ATG5: variants seen among roughly 807,000 people sequenced by gnomAD.
The protein encoded by ATG5 is autophagy protein 5.
In ATG5, 14 loss-of-function variants were observed where a neutral mutation model predicts 36.5. The observed-to-expected ratio is 0.38, with a 90% confidence interval of 0.25 to 0.60. The LOEUF (loss-of-function observed/expected upper bound fraction) is 0.60, where lower values mean the gene tolerates loss of function less well. ATG5 is among the 20% of genes least tolerant of loss of function. ATG5 has a pLI of 0.60. For missense variants in ATG5, 195 were observed against 326.7 expected (o/e 0.60, Z 3.11); for synonymous variants, 95 against 101.5 (o/e 0.94, Z 0.38).
chr6:106,279,612 A>G, intron 5 of ATG5, 49 bp downstream of exon 5: 1 of 1,352,386 alleles, frequency 7.4e-7, no homozygotes, highest in Non-Finnish European at 9.8e-7. Context: ...TTATGGCTGT[A>G]TCATATTTTA....
In ATG5 at chr6:106,281,205, A is replaced by G. The variant is rs557390031; in HGVS notation, c.316-1382T>C. ...ATCTCTCTCAATAAACTTTTTTAAA[A>G]GTCAAACTTATGATTCACATACAGT... On this transcript the variant is annotated intron_variant, in intron 4 of 7. Transcript: ENST00000369076. Among the ~76,000 whole-genome samples the G allele has an allele frequency of 3.9e-5, 6 of 152,312 alleles. No individual in the cohort carries two copies. The East Asian group carries it at 1.2e-3, about 29-fold the overall frequency.
chr6:106,298,353 G>A (rs1018179517), intron 3 of ATG5, among the ~76,000 whole-genome samples: 2 of 152,172 alleles, frequency 1.3e-5, no homozygotes, highest in African/African-American at 4.8e-5. Context: ...TTAAGAATTA[G>A]GAGATAAATT....
chr6:106,302,448 A>G (rs897171073), intron 3 of ATG5, among the ~76,000 whole-genome samples: 2 of 152,112 alleles, frequency 1.3e-5, no homozygotes, highest in Non-Finnish European at 2.9e-5. Context: ...TGCATTTCAG[A>G]AAGAAAAATT....
At chr6:106,218,597 T>C (rs1777129103) in intron 6 of ATG5, among the ~76,000 whole-genome samples, 1 of 152,148 alleles carries the variant, frequency 6.6e-6, no homozygotes, top group African/African-American at 2.4e-5. Flanking sequence ...GAGTTCAAGT[T>C]ACACTTTGAT....
chr6:106,316,978 C>A (rs549899729), intron 1 of ATG5, among the ~76,000 whole-genome samples: 1 of 152,260 alleles, frequency 6.6e-6, no homozygotes, highest in Non-Finnish European at 1.5e-5. Flanking sequence ...ATGCTCACAG[C>A]CCTCTGGCCC....
intron 3 of ATG5, among the ~76,000 whole-genome samples, chr6:106,296,772 T>G (rs1196655810): frequency 6.6e-6 from 1 of 152,146 alleles, no homozygotes; most frequent in Non-Finnish European, 1.5e-5. Flanking sequence ...GAGCCAAGAC[T>G]GCAACACTGC....
intron 7 of ATG5, among the ~76,000 whole-genome samples, chr6:106,196,397 A>G (rs887810350): frequency 6.6e-6 from 1 of 152,234 alleles, no homozygotes; most frequent in Non-Finnish European, 1.5e-5. Context: ...CAGGAGATGG[A>G]GACCTGTGTT....
Position 106,188,309 on chromosome 6 carries a change from T to C in ATG5, c.692-1633A>G, listed in dbSNP as rs557320989. Among the ~76,000 whole-genome samples the C allele has an allele frequency of 5.9e-5, 9 of 152,340 alleles. No individual in the cohort carries two copies. The South Asian group carries it at 1.9e-3, about 32-fold the overall frequency. ...GAAAACATTTCCGGTATAATTCTCT[T>C]CATATTCTTATATTTCTTTGAAATA... On this transcript the variant is annotated intron_variant, in intron 7 of 7. Coordinates refer to ENST00000369076, the MANE Select transcript of ATG5 (RefSeq NM_004849.4).
At chr6:106,290,125 C>T (rs1426822566) in intron 4 of ATG5, among the ~76,000 whole-genome samples, 1 of 151,680 alleles carries the variant, frequency 6.6e-6, no homozygotes, top group East Asian at 1.9e-4. Context: ...CTCCTGGGCT[C>T]AAGTGATCCT....
intron 1 of ATG5, among the ~76,000 whole-genome samples, chr6:106,324,533 T>C (rs1408207317): frequency 6.6e-6 from 1 of 152,224 alleles, no homozygotes. Context: ...GGGATTTTTA[T>C]TCTTTTGTTT....
At chr6:106,317,397 AT>A (rs1291215601) in intron 1 of ATG5, among the ~76,000 whole-genome samples, 4 of 152,170 alleles carry the variant, frequency 2.6e-5, no homozygotes. Context: ...CAAGGAGCTT[AT>A]TTCCCTTTTT....
intron 5 of ATG5, among the ~76,000 whole-genome samples, chr6:106,264,447 C>T (rs778967257): frequency 6.6e-6 from 1 of 152,068 alleles, no homozygotes; most frequent in Non-Finnish European, 1.5e-5. Context: ...ACTTCCCCCA[C>T]CAAGCAAGAC....
intron 5 of ATG5, among the ~76,000 whole-genome samples, chr6:106,255,086 A>G (rs1027185436): frequency 5.3e-5 from 8 of 152,220 alleles, no homozygotes; most frequent in Middle Eastern, 3.4e-3. Context: ...CCTCCCATCA[A>G]TTTCACTGCA....
Position 106,279,719 on chromosome 6 carries a change from T to C in ATG5, c.420A>G (p.Gln140=), listed in dbSNP as rs773369099. ...CTTTTTTCTGCATTTCATTGATTAC[T>C]TGACTTTTATGTTTTAAAGCATCAG... ...KEADALKHKS[Q]VINEMQKKDH... is the part of the protein sequence containing the mutation. The change falls in exon 5 of 8, where the codon CAA becomes CAG. Residue 140 remains glutamine, a synonymous_variant. Transcript: ENST00000369076. 2 of 1,608,848 alleles carry C rather than the reference T, an allele frequency of 1.2e-6. No individual in the cohort carries two copies. The highest frequency in any genetic ancestry group is 8.5e-7 in the Non-Finnish European group (1 of 1,177,694).
At chr6:106,240,399 G>GTTAAA (rs1199388068) in intron 6 of ATG5, among the ~76,000 whole-genome samples, 1 of 142,922 alleles carries the variant, frequency 7.0e-6, no homozygotes, top group African/African-American at 2.6e-5. Flanking sequence ...AAAATAAAAA[G>GTTAAA]TTAAGAAGAA....
At chr6:106,195,706 G>A (rs1293779943) in intron 7 of ATG5, among the ~76,000 whole-genome samples, 3 of 150,102 alleles carry the variant, frequency 2.0e-5, no homozygotes, top group Non-Finnish European at 4.4e-5. Context: ...TGCATGGGGA[G>A]AAGTCTGTCA....
chr6:106,237,285 A>G (rs564128791), intron 6 of ATG5, among the ~76,000 whole-genome samples: 1 of 152,340 alleles, frequency 6.6e-6, no homozygotes, highest in Admixed American at 6.5e-5. Context: ...TTAAAATTCA[A>G]ATCACACAAT....
intron 5 of ATG5, among the ~76,000 whole-genome samples, chr6:106,260,722 G>A (rs1277778830): frequency 6.6e-6 from 1 of 152,178 alleles, no homozygotes; most frequent in African/African-American, 2.4e-5. Context: ...TTCTAAAGTA[G>A]TAAAAGAGAA....
intron 4 of ATG5, among the ~76,000 whole-genome samples, chr6:106,284,510 A>G (rs1465636457): frequency 1.3e-5 from 2 of 151,966 alleles, no homozygotes; most frequent in Admixed American, 6.6e-5. Flanking sequence ...CCACCACACC[A>G]GGCTATTTTT....
Sources: allele counts gnomAD v4.1 joint callset (sites outside exome capture counted in the v4.1 genomes callset), GRCh38; gene constraint gnomAD v4.1.1; transcripts MANE v1.5; gene names NCBI Gene and HGNC (gene_info 2026-07-23, HGNC 2026-07-21).